The following ACTN2 variants were observed in gnomAD, a reference collection of about 807,000 sequenced individuals.
The protein encoded by ACTN2 is alpha-actinin-2.
ACTN2 carries 39 observed loss-of-function variants against 113.8 expected under a neutral mutation model. The ratio of observed to expected loss-of-function variants is 0.34; its 90% CI spans 0.27 to 0.45. The LOEUF is 0.45. Among genes scored for constraint, ACTN2 ranks in the 20% least tolerant of loss-of-function variants. The probability of loss-of-function intolerance (pLI) is 1.00; values close to 1 mark genes in which losing one functional copy is unlikely to be tolerated. For missense variants in ACTN2, 992 were observed against 1,177.9 expected (o/e 0.84, Z 2.31); for synonymous variants, 429 against 444.1 (o/e 0.97, Z 0.43).
intron 11 of ACTN2, among the ~76,000 whole-genome samples, chr1:236,743,664 T>G (rs985909172): frequency 6.6e-6 from 1 of 152,140 alleles, no homozygotes; most frequent in Non-Finnish European, 1.5e-5. Flanking sequence ...TAATCTGTTT[T>G]GAGATTGGGG....
At chr1:236,696,964 T>C (rs1657525150) in intron 1 of ACTN2, among the ~76,000 whole-genome samples, 1 of 99,822 alleles carries the variant, frequency 1.0e-5, no homozygotes, top group Admixed American at 9.8e-5. Flanking sequence ...GCCCGGCCAT[T>C]GTTGTCCCAC....
chr1:236,714,975 C>G (rs1658130596), intron 1 of ACTN2, among the ~76,000 whole-genome samples: 4 of 108,886 alleles, frequency 3.7e-5, no homozygotes, highest in Non-Finnish European at 7.5e-5. Context: ...AAGGGATATG[C>G]AAGAGACTGA....
chr1:236,727,596 C>A, intron 5 of ACTN2, 82 bp from the exon 6 acceptor site: 1 of 1,458,568 alleles, frequency 6.9e-7, no homozygotes, highest in Non-Finnish European at 9.6e-7. Flanking sequence ...AGAAGGAAGG[C>A]CAACATCTGA....
rs945224525 is a variant in ACTN2 at position 236,764,031 on chromosome 1, A to T, written c.*1412A>T. 6.6e-6 allele frequency: 1 copy of T among 152,250 alleles called. No individual in the cohort carries two copies. The highest frequency in any genetic ancestry group is 1.5e-5 in the Non-Finnish European group (1 of 68,048). 9.4% of individuals were successfully genotyped at this position (152,250 alleles called of 1,614,324 possible). On this transcript the variant is annotated 3_prime_UTR_variant, in exon 21 of 21. Coordinates refer to ENST00000366578, the MANE Select transcript of ACTN2 (RefSeq NM_001103.4). Reference sequence around the variant, plus strand: ...GCAATTAAAGCATTACTAGAGAAGCAGTAACATGTCTGTTACCTACAGTCT... The same window carrying T: ...GCAATTAAAGCATTACTAGAGAAGCTGTAACATGTCTGTTACCTACAGTCT...
chr1:236,755,238 G>A (rs200786428), intron 17 of ACTN2, 40 bp downstream of exon 17: 14 of 1,612,208 alleles, frequency 8.7e-6, no homozygotes, highest in Middle Eastern at 1.7e-4. Flanking sequence ...CACTTCTCAC[G>A]GGGACCATGC....
chr1:236,731,187 T>C (rs1658702298), intron 6 of ACTN2, 46 bp from the exon 7 acceptor site: 2 of 1,474,560 alleles, frequency 1.4e-6, no homozygotes, highest in Non-Finnish European at 1.9e-6. Context: ...ATAAGTCTTG[T>C]TTCAAAATAT....
At chr1:236,690,047 T>C (rs192173524) in intron 1 of ACTN2, among the ~76,000 whole-genome samples, 52 of 152,350 alleles carry the variant, frequency 3.4e-4, no homozygotes, top group African/African-American at 1.2e-3. Flanking sequence ...GATAAACTTT[T>C]CTAAGTGTTC....
rs201255023 is a variant in ACTN2, at chr1:236,755,013, C to T, written c.1975-6C>T. 1.3e-4 allele frequency: 202 copies of T among 1,614,188 alleles called. No individual in the cohort carries two copies. The East Asian group carries it at 4.3e-3, about 35-fold the overall frequency. On this transcript the variant is annotated splice_polypyrimidine_tract_variant and splice_region_variant and intron_variant, in intron 16 of 20. Transcript: ENST00000366578. ...CTCTCTCTGCTTGCTCACTCGCCCC[C>T]CTCAGGAGATTGCCCGGAGCTCCAT...
chr1:236,721,009 G>C (rs1558233373), intron 4 of ACTN2, among the ~76,000 whole-genome samples: 1 of 5,818 alleles, frequency 1.7e-4, no homozygotes, highest in African/African-American at 4.0e-4. Context: ...TCTGACTCTG[G>C]TTTTTGTTTT....
intron 1 of ACTN2, among the ~76,000 whole-genome samples, chr1:236,693,245 T>A (rs1055488978): frequency 1.3e-5 from 2 of 151,682 alleles, no homozygotes; most frequent in African/African-American, 4.9e-5. Flanking sequence ...CTACAAGGTG[T>A]TTTTACCTGC....
At chr1:236,697,325 CA>C (rs948939763) in intron 1 of ACTN2, among the ~76,000 whole-genome samples, 5 of 151,476 alleles carry the variant, frequency 3.3e-5, no homozygotes, top group African/African-American at 9.7e-5. Context: ...GACCCTGTCT[CA>C]AAAAAAATAT....
rs557840933 is a variant in ACTN2 at position 236,737,043 on chromosome 1, T to C, written c.784-79T>C. 4 of 1,245,702 alleles carry C rather than the reference T, an allele frequency of 3.2e-6. No individual in the cohort carries two copies. The African/African-American group carries it at 5.8e-5, about 18-fold the overall frequency. 77.2% of individuals were successfully genotyped at this position (1,245,702 alleles called of 1,614,324 possible). A position where few individuals can be genotyped will look rare whatever the true frequency, so the allele number is the denominator to read the frequency against. ...AGCACGCCACCCTCCTCGTCCCCTC[T>C]CATCACCCACCTCGTTCCATGCTGT... On this transcript the variant is annotated intron_variant, in intron 8 of 20. Transcript: ENST00000366578.
chr1:236,745,893 G>A (rs975251954), intron 12 of ACTN2, among the ~76,000 whole-genome samples: 1 of 152,150 alleles, frequency 6.6e-6, no homozygotes, highest in African/African-American at 2.4e-5. Flanking sequence ...GCTGGGCACA[G>A]TGGCTCACGC....
intron 1 of ACTN2, among the ~76,000 whole-genome samples, chr1:236,717,215 A>G (rs971053443): frequency 6.6e-6 from 1 of 151,954 alleles, no homozygotes; most frequent in Non-Finnish European, 1.5e-5. Context: ...AGGCTGAGGC[A>G]AGAGGATTGC....
intron 20 of ACTN2, among the ~76,000 whole-genome samples, chr1:236,761,732 A>G (rs1362746886): frequency 2.0e-5 from 3 of 152,096 alleles, no homozygotes; most frequent in Non-Finnish European, 2.9e-5. Context: ...AACAATAAAA[A>G]CATCTCTATG....
At chr1:236,730,649 C>A (rs953173087) in intron 6 of ACTN2, among the ~76,000 whole-genome samples, 2 of 151,950 alleles carry the variant, frequency 1.3e-5, no homozygotes, top group Non-Finnish European at 2.9e-5. Context: ...CTAGTTTTTA[C>A]GGTGGAAGGT....
chr1:236,755,257 CAG>C, intron 17 of ACTN2, 59 bp downstream of exon 17: 1 of 1,596,888 alleles, frequency 6.3e-7, no homozygotes, highest in South Asian at 1.1e-5. Flanking sequence ...GCCACCTCCT[CAG>C]GGTGCTTTCT....
At chr1:236,689,906 G>T (rs1215042916) in intron 1 of ACTN2, among the ~76,000 whole-genome samples, 3 of 152,176 alleles carry the variant, frequency 2.0e-5, no homozygotes, top group African/African-American at 7.2e-5. Flanking sequence ...GAATATGTTT[G>T]CTATCTTCAC....
intron 19 of ACTN2, 85 bp downstream of exon 19, chr1:236,759,874 A>C: frequency 1.6e-6 from 2 of 1,278,748 alleles, no homozygotes; most frequent in Non-Finnish European, 2.3e-6. Flanking sequence ...GCTCAAACCA[A>C]GGTAGTGCAT....
Sources: allele counts gnomAD v4.1 joint callset (sites outside exome capture counted in the v4.1 genomes callset), GRCh38; gene constraint gnomAD v4.1.1; transcripts MANE v1.5; gene names NCBI Gene and HGNC (gene_info 2026-07-23, HGNC 2026-07-21).